Variants in AFG2A observed in about 807,000 individuals in gnomAD.
The protein encoded by AFG2A is ATPase family gene 2 protein homolog A.
At chr4:122,973,652 T>A in the AFG2A span, among the ~76,000 whole-genome samples, 1 of 152,188 alleles carries the variant, frequency 6.6e-6, no homozygotes, top group Middle Eastern at 3.2e-3. Flanking sequence ...TTGGGTACAT[T>A]AAGTTGTGCT....
chr4:122,945,595 C>A, the AFG2A span, among the ~76,000 whole-genome samples: 1 of 152,244 alleles, frequency 6.6e-6, no homozygotes, highest in Non-Finnish European at 1.5e-5. Context: ...CCTTGCACTT[C>A]CCGAGTGAGG....
chr4:123,184,486 T>C, the AFG2A span, among the ~76,000 whole-genome samples: 10 of 151,778 alleles, frequency 6.6e-5, no homozygotes, highest in Admixed American at 1.3e-4. Context: ...CTGCCAGTTA[T>C]ATATATAAAG....
chr4:122,961,691 G>C, the AFG2A span, among the ~76,000 whole-genome samples: 2 of 152,242 alleles, frequency 1.3e-5, no homozygotes, highest in Admixed American at 1.3e-4. Context: ...TTTTAATAGA[G>C]ACGGGGTTCC....
At chr4:123,285,816 T>C in the AFG2A span, among the ~76,000 whole-genome samples, 1 of 152,140 alleles carries the variant, frequency 6.6e-6, no homozygotes, top group African/African-American at 2.4e-5. Context: ...AATCAGTTTC[T>C]TCATTTATAA....
At chr4:123,010,158 G>A in the AFG2A span, among the ~76,000 whole-genome samples, 2 of 152,124 alleles carry the variant, frequency 1.3e-5, no homozygotes, top group Non-Finnish European at 2.9e-5. Flanking sequence ...ATTCACATAT[G>A]CCTCTCTTCC....
At chr4:122,923,345 G>A in the AFG2A span, 36 of 1,610,412 alleles carry the variant, frequency 2.2e-5, no homozygotes, top group Non-Finnish European at 2.9e-5. Context: ...CCGAGGGGGC[G>A]CAACCTGAGG....
chr4:123,285,906 A>G, the AFG2A span, among the ~76,000 whole-genome samples: 1 of 152,182 alleles, frequency 6.6e-6, no homozygotes, highest in Non-Finnish European at 1.5e-5. Flanking sequence ...GGCAGAGAAC[A>G]CTTGGAAATC....
chr4:123,316,792 A>G, the AFG2A span: 1 of 152,246 alleles, frequency 6.6e-6, no homozygotes, highest in Non-Finnish European at 1.5e-5. Context: ...AGCTCTGCAC[A>G]TAATGCTCAA....
At chr4:123,084,752 C>T in the AFG2A span, among the ~76,000 whole-genome samples, 1 of 151,968 alleles carries the variant, frequency 6.6e-6, no homozygotes, top group South Asian at 2.1e-4. Flanking sequence ...TCTCAGCCTC[C>T]CAACTAGCTA....
chr4:123,187,729 C>T, the AFG2A span, among the ~76,000 whole-genome samples: 2 of 151,986 alleles, frequency 1.3e-5, no homozygotes, highest in Non-Finnish European at 2.9e-5. Flanking sequence ...GGCACTGTGG[C>T]TCACACCTGT....
the AFG2A span, among the ~76,000 whole-genome samples, chr4:123,049,104 A>G: frequency 6.6e-6 from 1 of 152,108 alleles, no homozygotes; most frequent in African/African-American, 2.4e-5. Context: ...TTTTTTCAGC[A>G]TCTGTTGAAA....
chr4:123,257,242 T>C, the AFG2A span, among the ~76,000 whole-genome samples: 2 of 152,092 alleles, frequency 1.3e-5, no homozygotes, highest in African/African-American at 2.4e-5. Context: ...ACCATAGATA[T>C]AGATATAGAC....
chr4:123,136,343 A>G, the AFG2A span, among the ~76,000 whole-genome samples: 1 of 150,644 alleles, frequency 6.6e-6, no homozygotes, highest in African/African-American at 2.4e-5. Context: ...AGACCAGCCG[A>G]ACCAACATGG....
the AFG2A span, among the ~76,000 whole-genome samples, chr4:123,184,586 G>A: frequency 0.023 from 3,131 of 135,380 alleles, 66 homozygotes; most frequent in Non-Finnish European, 0.036. Context: ...GCCCAGGCTG[G>A]AGTGCAGTGG....
At chr4:122,971,140 C>T in the AFG2A span, among the ~76,000 whole-genome samples, 17 of 152,180 alleles carry the variant, frequency 1.1e-4, no homozygotes, top group African/African-American at 4.1e-4. Context: ...GGCACAGTGG[C>T]TTATACCTAT....
Sources: gnomAD v4.1 joint callset for allele counts (sites outside exome capture counted in the v4.1 genomes callset) on GRCh38, gnomAD v4.1.1 for gene constraint, MANE v1.5 for transcripts, NCBI Gene and HGNC (gene_info 2026-07-23, HGNC 2026-07-21) for gene names.